ATP11A: variants seen among roughly 807,000 people sequenced by gnomAD.
The protein encoded by ATP11A is phospholipid-transporting ATPase IH.
Under a neutral mutation model 154.4 loss-of-function variants are expected in ATP11A, and 81 were observed. That is an observed-to-expected ratio of 0.52 (90% confidence interval 0.44 to 0.63). The LOEUF (loss-of-function observed/expected upper bound fraction) is 0.63, where lower values mean the gene tolerates loss of function less well. Ranked by LOEUF, ATP11A falls within the 30% of genes least tolerant of loss-of-function variation. The pLI is 0.00. For missense variants in ATP11A, 1,316 were observed against 1,474.3 expected (o/e 0.89, Z 1.76); for synonymous variants, 623 against 585.9 (o/e 1.06, Z -0.91).
At chr13:112,843,802 G>A (rs556924000) in intron 17 of ATP11A, among the ~76,000 whole-genome samples, 2 of 152,328 alleles carry the variant, frequency 1.3e-5, no homozygotes, top group African/African-American at 4.8e-5. Context: ...GAACTTCGTG[G>A]AATGCTGTCG....
At chr13:112,742,935 C>T (rs1373228781) in intron 1 of ATP11A, among the ~76,000 whole-genome samples, 2 of 152,196 alleles carry the variant, frequency 1.3e-5, no homozygotes, top group African/African-American at 4.8e-5. Flanking sequence ...GGGAGAGGCA[C>T]TCACTCAAGA....
intron 1 of ATP11A, among the ~76,000 whole-genome samples, chr13:112,723,588 G>A (rs1453448331): frequency 6.6e-6 from 1 of 151,302 alleles, no homozygotes; most frequent in Non-Finnish European, 1.5e-5. Flanking sequence ...TATTCTGTTT[G>A]TTTTATGATC....
chr13:112,799,030 A>G (rs1437645764), intron 2 of ATP11A, among the ~76,000 whole-genome samples: 1 of 152,258 alleles, frequency 6.6e-6, no homozygotes, highest in Non-Finnish European at 1.5e-5. Flanking sequence ...CAGACAAAGC[A>G]GACTTCAGAA....
rs561123441 is a variant in ATP11A at position 112,855,202 on chromosome 13, G to T, written c.2243+672G>T. Among the ~76,000 whole-genome samples the T allele has an allele frequency of 9.9e-5, 15 of 151,614 alleles. No homozygotes were observed. In the East Asian group the frequency reaches 2.1e-3, roughly 21 times the overall value. ...TTTTAGGGATTGGAGGGTTTTTTTTGTTGTTTTTTGTTTTTTGTTTTTGAG... is the reference window on the plus strand; with the variant it reads ...TTTTAGGGATTGGAGGGTTTTTTTTTTTGTTTTTTGTTTTTTGTTTTTGAG... On this transcript the variant is annotated intron_variant, in intron 19 of 29. Coordinates refer to ENST00000375645, the MANE Select transcript of ATP11A (RefSeq NM_015205.3).
In ATP11A at chr13:112,819,424, G is replaced by T; in HGVS notation, c.674+17G>T. On this transcript the variant is annotated intron_variant, in intron 7 of 29. Coordinates refer to ENST00000375645, the MANE Select transcript of ATP11A (RefSeq NM_015205.3). Reference sequence around the variant, plus strand: ...CCTCTACAAGTAAGCGGGAGCTTTGGGTTCTTTAGAAACGGTTTTTTATGC... The same window carrying T: ...CCTCTACAAGTAAGCGGGAGCTTTGTGTTCTTTAGAAACGGTTTTTTATGC... 6.2e-7 allele frequency: 1 copy of T among 1,613,278 alleles called. No individual in the cohort carries two copies. Among genetic ancestry groups the T allele is most frequent in the Non-Finnish European group, 8.5e-7 (1 of 1,179,290 alleles).
At chr13:112,744,443 T>C (rs948305195) in intron 1 of ATP11A, among the ~76,000 whole-genome samples, 2 of 152,208 alleles carry the variant, frequency 1.3e-5, no homozygotes, top group Non-Finnish European at 2.9e-5. Context: ...GAGTGGCGAT[T>C]TCAGGGATGC....
chr13:112,841,083 C>A (rs8000285), intron 16 of ATP11A, among the ~76,000 whole-genome samples: 1 of 152,396 alleles, frequency 6.6e-6, no homozygotes, highest in South Asian at 2.1e-4. Context: ...TCCCTGCACC[C>A]AGGCACAAAC....
rs1594549279 is a variant in ATP11A at position 112,753,102 on chromosome 13, G to A, written c.40-32033G>A. On this transcript the variant is annotated intron_variant, in intron 1 of 29. Transcript: ENST00000375645. The surrounding 1 kb of genome is among the most constrained non-coding windows in gnomAD (Gnocchi z 4.1). ...AGTCAGTGTTCCCAATGACATATAC[G>A]GTGGCTTACAGTTACCCCGGCCCAG... 6.6e-6 allele frequency among the ~76,000 whole-genome samples: 1 copy of A among 152,110 alleles called. No homozygotes were observed. Among genetic ancestry groups the A allele is most frequent in the Non-Finnish European group, 1.5e-5 (1 of 68,024 alleles).
At position 112,865,212 on chromosome 13, in the gene ATP11A, A is replaced by C. The variant is rs75802781; in HGVS notation, c.2991+2637A>C. Among the ~76,000 whole-genome samples the C allele has an allele frequency of 2.4e-4, 13 of 55,102 alleles. 1 individual carries two copies. Among genetic ancestry groups the C allele is most frequent in the Middle Eastern group, 0.026 (2 of 76 alleles). 36.1% of individuals were successfully genotyped at this position (55,102 alleles called of 152,430 possible). On this transcript the variant is annotated intron_variant, in intron 25 of 29. Transcript: ENST00000375645. Reference sequence around the variant, plus strand: ...CACCTGCGCAGTAATTCAGTGCAGCACGTGCAGCTTCCCAGCGGGATCCAT... The same window carrying C: ...CACCTGCGCAGTAATTCAGTGCAGCCCGTGCAGCTTCCCAGCGGGATCCAT...
chr13:112,866,301 C>T (rs140466346), intron 25 of ATP11A, among the ~76,000 whole-genome samples: 1 of 152,286 alleles, frequency 6.6e-6, no homozygotes, highest in Non-Finnish European at 1.5e-5. Context: ...GCCGCTGCTG[C>T]CCCACACACC....
At chr13:112,694,627 G>A (rs748663309) in intron 1 of ATP11A, among the ~76,000 whole-genome samples, 4 of 152,080 alleles carry the variant, frequency 2.6e-5, no homozygotes, top group Non-Finnish European at 5.9e-5. Flanking sequence ...GAGTTCTGTG[G>A]GTCAAGAACT....
rs2077589981 is a variant in ATP11A, at chr13:112,785,053, C to T, written c.40-82C>T. Reference sequence around the variant, plus strand: ...AGGTACAGGTCTCCGTTCCGACGAACGTGCCTCAAGGCAACACTCTGGGCA... The same window carrying T: ...AGGTACAGGTCTCCGTTCCGACGAATGTGCCTCAAGGCAACACTCTGGGCA... On this transcript the variant is annotated intron_variant, in intron 1 of 29. Coordinates refer to ENST00000375645, the MANE Select transcript of ATP11A (RefSeq NM_015205.3). The surrounding 1 kb of genome is among the most constrained non-coding windows in gnomAD (Gnocchi z 4.8). 4.4e-6 allele frequency: 6 copies of T among 1,360,530 alleles called. No individual in the cohort carries two copies. Among genetic ancestry groups the T allele is most frequent in the East Asian group, 2.8e-5 (1 of 35,630 alleles). 84.3% of individuals were successfully genotyped at this position (1,360,530 alleles called of 1,614,324 possible).
intron 1 of ATP11A, among the ~76,000 whole-genome samples, chr13:112,716,957 C>T (rs1380862588): frequency 6.6e-6 from 1 of 152,006 alleles, no homozygotes; most frequent in Non-Finnish European, 1.5e-5. Context: ...CTGGGACGGG[C>T]AGAGGCTTGT....
At chr13:112,711,788 G>A (rs1296651968) in intron 1 of ATP11A, among the ~76,000 whole-genome samples, 1 of 152,238 alleles carries the variant, frequency 6.6e-6, no homozygotes, top group Non-Finnish European at 1.5e-5. Context: ...CGGATGTGTG[G>A]AGTAAGAGGC....
chr13:112,752,644 A>G (rs1373736966), intron 1 of ATP11A, among the ~76,000 whole-genome samples: 1 of 152,212 alleles, frequency 6.6e-6, no homozygotes. Context: ...TGTTCTGACC[A>G]TACAAACTTA....
intron 5 of ATP11A, chr13:112,811,477 C>T (rs983672235): frequency 1.3e-5 from 2 of 152,108 alleles, no homozygotes; most frequent in Non-Finnish European, 2.9e-5. Context: ...AGATTGGAAA[C>T]ACTGTTTCTA....
At chr13:112,812,938 A>G (rs1235703986) in intron 5 of ATP11A, among the ~76,000 whole-genome samples, 1 of 152,194 alleles carries the variant, frequency 6.6e-6, no homozygotes, top group African/African-American at 2.4e-5. Flanking sequence ...CAAAGCCTTC[A>G]TACTTGTAGC....
chr13:112,758,692 G>C (rs1437784862), intron 1 of ATP11A, among the ~76,000 whole-genome samples: 1 of 152,134 alleles, frequency 6.6e-6, no homozygotes, highest in Non-Finnish European at 1.5e-5. Flanking sequence ...CAAAGTGCTG[G>C]GATTACAGGC....
chr13:112,876,441 G>T (rs2080727541), intron 28 of ATP11A, among the ~76,000 whole-genome samples: 1 of 152,090 alleles, frequency 6.6e-6, no homozygotes, highest in African/African-American at 2.4e-5. Flanking sequence ...GGTTTGGCAG[G>T]TGTGAGGACT....
Sources: allele counts gnomAD v4.1 joint callset (sites outside exome capture counted in the v4.1 genomes callset), GRCh38; gene constraint gnomAD v4.1.1; non-coding constraint Gnocchi (gnomAD v3.1); transcripts MANE v1.5; gene names NCBI Gene and HGNC (gene_info 2026-07-23, HGNC 2026-07-21).